Variants in TNFSF4 observed in about 807,000 individuals in gnomAD.
TNFSF4 encodes TNF superfamily member 4.
Under a neutral mutation model 7.3 loss-of-function variants are expected in TNFSF4, and 4 were observed. The ratio of observed to expected loss-of-function variants is 0.55; its 90% CI spans 0.27 to 1.25. The LOEUF (loss-of-function observed/expected upper bound fraction) is 1.25, where lower values mean the gene tolerates loss of function less well. Among genes scored for constraint, TNFSF4 ranks in the 50% most tolerant of loss-of-function variants. The probability of loss-of-function intolerance (pLI) is 0.12; values close to 1 mark genes in which losing one functional copy is unlikely to be tolerated. For missense variants in TNFSF4, 181 were observed against 208.8 expected, an observed-to-expected ratio of 0.87 and a Z score of 0.82; for synonymous variants, 76 against 83.7, an observed-to-expected ratio of 0.91 and a Z score of 0.50.
the TNFSF4 span, among the ~76,000 whole-genome samples, chr1:173,213,824 G>C: frequency 1.3e-5 from 2 of 152,248 alleles, no homozygotes; most frequent in East Asian, 3.9e-4. Context: ...GTATAAATTA[G>C]AATTAGCATA....
chr1:173,308,994 A>G, the TNFSF4 span, among the ~76,000 whole-genome samples: 3 of 151,984 alleles, frequency 2.0e-5, no homozygotes, highest in African/African-American at 7.2e-5. Flanking sequence ...CTTAGGTTCA[A>G]GAAGAAGGAC....
At chr1:173,380,125 C>T in the TNFSF4 span, among the ~76,000 whole-genome samples, 36 of 152,304 alleles carry the variant, frequency 2.4e-4, 1 homozygote, top group African/African-American at 7.5e-4. Flanking sequence ...CGTTACTATC[C>T]GAGGAATCCT....
chr1:173,273,516 C>T, the TNFSF4 span, among the ~76,000 whole-genome samples: 1 of 152,160 alleles, frequency 6.6e-6, no homozygotes, highest in Non-Finnish European at 1.5e-5. Context: ...ATACAAGTGG[C>T]ATTTCTAATC....
chr1:173,285,877 A>G, the TNFSF4 span, among the ~76,000 whole-genome samples: 1 of 152,174 alleles, frequency 6.6e-6, no homozygotes, highest in Non-Finnish European at 1.5e-5. Context: ...CTGAAACTGA[A>G]CTTACCATAT....
chr1:173,186,319 A>G lies in TNFSF4; in HGVS notation c.*197T>C. 1 of 535,240 alleles carries G rather than the reference A, an allele frequency of 1.9e-6. No homozygotes were observed. Among genetic ancestry groups the G allele is most frequent in the Non-Finnish European group, 3.3e-6 (1 of 304,014 alleles). The allele number at this position is 535,240 out of a possible 1,614,324, so 33.2% of individuals were successfully genotyped here. A position where few individuals can be genotyped will look rare whatever the true frequency, so the allele number is the denominator to read the frequency against. On this transcript the variant is annotated 3_prime_UTR_variant, in exon 3 of 3. Coordinates refer to ENST00000281834, the MANE Select transcript of TNFSF4 (RefSeq NM_003326.5). Reference sequence around the variant, plus strand: ...GGCAATTTAGAAAATATAAGGATAAATAAGATTAACTGGTATATAAAATAA... The same window carrying G: ...GGCAATTTAGAAAATATAAGGATAAGTAAGATTAACTGGTATATAAAATAA...
chr1:173,338,828 C>G, the TNFSF4 span, among the ~76,000 whole-genome samples: 2 of 152,134 alleles, frequency 1.3e-5, no homozygotes, highest in Non-Finnish European at 2.9e-5. Context: ...TGCCCAGACA[C>G]TTGAGGATCC....
chr1:173,297,364 A>G, the TNFSF4 span, among the ~76,000 whole-genome samples: 2 of 152,004 alleles, frequency 1.3e-5, no homozygotes, highest in African/African-American at 4.8e-5. Context: ...TCACAGTCCA[A>G]GTAAAGTCAA....
chr1:173,347,094 A>G, the TNFSF4 span, among the ~76,000 whole-genome samples: 1 of 152,230 alleles, frequency 6.6e-6, no homozygotes, highest in Admixed American at 6.5e-5. Context: ...GACTGGAAGT[A>G]GGTTAGTAAC....
chr1:173,176,665 C>T, the TNFSF4 span, among the ~76,000 whole-genome samples: 1 of 152,134 alleles, frequency 6.6e-6, no homozygotes, highest in Non-Finnish European at 1.5e-5. Context: ...CATAAAGACA[C>T]ATAGATACAT....
the TNFSF4 span, among the ~76,000 whole-genome samples, chr1:173,416,632 A>T: frequency 6.4e-5 from 2 of 31,236 alleles, no homozygotes; most frequent in Non-Finnish European, 1.6e-4. Flanking sequence ...TTATTTATTT[A>T]TTTTTTGAGA....
the TNFSF4 span, among the ~76,000 whole-genome samples, chr1:173,240,941 G>A: frequency 1.3e-5 from 2 of 152,110 alleles, no homozygotes; most frequent in African/African-American, 2.4e-5. Flanking sequence ...CATCTCTTTA[G>A]TATTTACTAA....
chr1:173,416,638 T>TATTTATTTATTTATTTTTTGAGA, the TNFSF4 span, among the ~76,000 whole-genome samples: 63,293 of 108,436 alleles, frequency 0.58, 20,095 homozygotes, highest in South Asian at 0.77. Flanking sequence ...ATTTATTTTT[T>TATTTATTTATTTATTTTTTGAGA]GAGAGAGAGA....
chr1:173,325,577 G>T, the TNFSF4 span, among the ~76,000 whole-genome samples: 19,986 of 151,656 alleles, frequency 0.13, 1,883 homozygotes, highest in African/African-American at 0.28. Context: ...GAATCCAGGA[G>T]CTGGTTTTTT....
chr1:173,288,968 C>T, the TNFSF4 span, among the ~76,000 whole-genome samples: 1 of 151,948 alleles, frequency 6.6e-6, no homozygotes, highest in Admixed American at 6.6e-5. Flanking sequence ...TAAGAGACCC[C>T]TATGCCTACT....
the TNFSF4 span, among the ~76,000 whole-genome samples, chr1:173,216,852 G>C: frequency 1.3e-5 from 2 of 152,082 alleles, no homozygotes; most frequent in Non-Finnish European, 2.9e-5. Context: ...CCTTCCTACT[G>C]TCTGCCATGT....
the TNFSF4 span, among the ~76,000 whole-genome samples, chr1:173,439,203 A>T: frequency 1.3e-5 from 2 of 152,188 alleles, no homozygotes; most frequent in Non-Finnish European, 2.9e-5. Context: ...CAGAACAAAG[A>T]GCTTCTTTCC....
the TNFSF4 span, among the ~76,000 whole-genome samples, chr1:173,405,775 C>G: frequency 6.6e-6 from 1 of 152,248 alleles, no homozygotes; most frequent in Admixed American, 6.5e-5. Context: ...ACATCTCATG[C>G]ATCTCACATT....
chr1:173,323,945 A>G, the TNFSF4 span, among the ~76,000 whole-genome samples: 2 of 152,348 alleles, frequency 1.3e-5, no homozygotes, highest in Admixed American at 1.3e-4. Flanking sequence ...TCTGCAGGAT[A>G]TTGTCCACAA....
the TNFSF4 span, among the ~76,000 whole-genome samples, chr1:173,215,465 C>A: frequency 6.6e-6 from 1 of 152,080 alleles, no homozygotes; most frequent in African/African-American, 2.4e-5. Context: ...TCTATGATAA[C>A]AAGAATTTTA....
Sources: allele counts gnomAD v4.1 joint callset (sites outside exome capture counted in the v4.1 genomes callset), GRCh38; gene constraint gnomAD v4.1.1; transcripts MANE v1.5; gene names NCBI Gene and HGNC (gene_info 2026-07-23, HGNC 2026-07-21).